Variants in MYOF observed in about 807,000 individuals in gnomAD.
MYOF encodes the protein myoferlin, also known as fer-1-like 3, myoferlin.
In MYOF, 244 loss-of-function variants were observed where a neutral mutation model predicts 284.2. That is an observed-to-expected ratio of 0.86 (90% confidence interval 0.77 to 0.95). The LOEUF is 0.95. Ranked by LOEUF, MYOF falls within the 40% of genes least tolerant of loss-of-function variation. The pLI is 0.00. For missense variants in MYOF, 2,496 were observed against 2,560.6 expected (o/e 0.97, Z 0.54); for synonymous variants, 904 against 919.7 (o/e 0.98, Z 0.31).
rs114488541 is a variant in MYOF at position 93,466,222 on chromosome 10, T to C, written c.89-9285A>G. Among the ~76,000 whole-genome samples the C allele has an allele frequency of 6.3e-3, 966 of 152,312 alleles. 10 individuals are homozygous for C. The highest frequency in any genetic ancestry group is 0.022 in the African/African-American group (931 of 41,562). On this transcript the variant is annotated intron_variant, in intron 1 of 53. Coordinates refer to ENST00000359263, the MANE Select transcript of MYOF (RefSeq NM_013451.4). The stretch of plus-strand genomic sequence containing the variant: ...GTCTCTGACTTTGGCTTTCCAACCT[T>C]GGCTGCCCTATCGTTCCAGGAAGAT...
chr10:93,471,882 A>G (rs2057154272), intron 1 of MYOF, among the ~76,000 whole-genome samples: 2 of 112,198 alleles, frequency 1.8e-5, no homozygotes, highest in African/African-American at 6.0e-5. Flanking sequence ...AGAGTGAAAC[A>G]CTGTCTCAAA....
At chr10:93,368,665 T>C (rs1223449317) in intron 25 of MYOF, among the ~76,000 whole-genome samples, 3 of 152,222 alleles carry the variant, frequency 2.0e-5, no homozygotes, top group Non-Finnish European at 4.4e-5. Flanking sequence ...TATTGGGACC[T>C]GTTATGTGCC....
At position 93,372,974 on chromosome 10, in the gene MYOF, C is replaced by T; in HGVS notation, c.2413G>A (p.Ala805Thr). 4 of 1,614,224 alleles carry T rather than the reference C, an allele frequency of 2.5e-6. No homozygotes were observed. The highest frequency in any genetic ancestry group is 3.4e-6 in the Non-Finnish European group (4 of 1,180,022). ...GTTTTCCCACAGTATTTTCCAGATG[C>T]ATTCTCACCACTGGTGGAGTACAAG... Reference protein sequence around the residue: ...QVLYSTSGENASGKYCGKTQT... With the variant: ...QVLYSTSGENTSGKYCGKTQT... The change falls in exon 24 of 54, where the codon GCA becomes ACA. Residue 805 changes from alanine to threonine, a missense_variant. By Grantham distance (58) the Ala-to-Thr change is moderately conservative (BLOSUM62 0). This residue lies in a region of MYOF where 2,436 missense variants were observed against 2,480.7 expected (regional missense o/e 0.98). Coordinates refer to ENST00000359263, the MANE Select transcript of MYOF (RefSeq NM_013451.4).
Position 93,351,549 on chromosome 10 carries a change from C to T in MYOF, c.3686G>A (p.Arg1229Gln), listed in dbSNP as rs780085110. The T allele has an allele frequency of 8.7e-6, 14 of 1,614,024 alleles. No homozygotes were observed. Among genetic ancestry groups the T allele is most frequent in the East Asian group, 4.5e-5 (2 of 44,892 alleles). The change falls in exon 34 of 54, where the codon CGA (arginine) becomes CAA (glutamine). Residue 1229 changes from arginine to glutamine, a missense_variant. Physicochemically the swap from Arg to Gln is conservative, Grantham distance 43. This residue lies in a region of MYOF where 2,436 missense variants were observed against 2,480.7 expected (regional missense o/e 0.98). Coordinates refer to ENST00000359263, the MANE Select transcript of MYOF (RefSeq NM_013451.4). Reference protein sequence around the residue: ...DQVGKDEFLGRSIFSPVVKLN... With the variant: ...DQVGKDEFLGQSIFSPVVKLN... ...TTTCACCACAGGAGAGAAAATGCTT[C>T]GTCCTAAAAATTCATCTTTGCCCTA...
chr10:93,320,015 T>C lies in MYOF; in HGVS notation c.5457-2A>G. On this transcript the variant is annotated splice_acceptor_variant, in intron 48 of 53. Transcript: ENST00000359263. LOFTEE classifies it high-confidence loss of function. ...TTTTCTTCATTGCCAGGAATCCAGC[T>C]GAAAGGCAGAGGCAAACAGACTTAG... 1 of 1,614,126 alleles carries C rather than the reference T, an allele frequency of 6.2e-7. No homozygotes were observed. The highest frequency in any genetic ancestry group is 8.5e-7 in the Non-Finnish European group (1 of 1,179,970).
intron 3 of MYOF, among the ~76,000 whole-genome samples, chr10:93,434,442 A>AC (rs1481879368): frequency 1.3e-5 from 2 of 151,530 alleles, no homozygotes; most frequent in East Asian, 2.0e-4. Flanking sequence ...AAAAAAAAAA[A>AC]AAAAACAAAA....
At chr10:93,324,801 A>G (rs1020235639) in intron 46 of MYOF, among the ~76,000 whole-genome samples, 1 of 151,628 alleles carries the variant, frequency 6.6e-6, no homozygotes, top group African/African-American at 2.4e-5. Context: ...TTTTTGTGAG[A>G]CAGAGTCTGG....
At chr10:93,437,244 A>G (rs918204660) in intron 3 of MYOF, among the ~76,000 whole-genome samples, 1 of 151,638 alleles carries the variant, frequency 6.6e-6, no homozygotes, top group African/African-American at 2.4e-5. Context: ...GTATTGGTTA[A>G]GAGCCGCTTA....
At chr10:93,406,947 T>C (rs983729881) in intron 7 of MYOF, among the ~76,000 whole-genome samples, 3 of 151,968 alleles carry the variant, frequency 2.0e-5, no homozygotes, top group African/African-American at 7.3e-5. Context: ...GCAGGAGACA[T>C]AGGCCTGAGG....
intron 16 of MYOF, among the ~76,000 whole-genome samples, chr10:93,395,832 G>A (rs764665930): frequency 1.3e-5 from 2 of 151,466 alleles, no homozygotes; most frequent in African/African-American, 2.4e-5. Context: ...TCATAAAACC[G>A]CTATTGGGAA....
At chr10:93,345,365 G>A (rs192674997) in intron 37 of MYOF, among the ~76,000 whole-genome samples, 1 of 152,306 alleles carries the variant, frequency 6.6e-6, no homozygotes, top group East Asian at 1.9e-4. Flanking sequence ...GTAAGTTGGG[G>A]AGTAAGTAAC....
intron 19 of MYOF, among the ~76,000 whole-genome samples, chr10:93,385,027 C>A (rs1340665132): frequency 6.6e-6 from 1 of 152,084 alleles, no homozygotes; most frequent in Admixed American, 6.5e-5. Flanking sequence ...TTAATGTGGG[C>A]CAGACCAATG....
intron 5 of MYOF, among the ~76,000 whole-genome samples, chr10:93,419,416 GCCT>G (rs2134164975): frequency 6.6e-6 from 1 of 151,822 alleles, no homozygotes; most frequent in East Asian, 2.0e-4. Flanking sequence ...ACCCACCTTG[GCCT>G]CCTGAAGTGC....
At chr10:93,347,334 T>C (rs374894618) in intron 37 of MYOF, among the ~76,000 whole-genome samples, 15 of 149,780 alleles carry the variant, frequency 1.0e-4, no homozygotes, top group African/African-American at 3.4e-4. Context: ...GGGTGGATCA[T>C]GAGGTCAGGA....
At chr10:93,468,112 G>A (rs1214900476) in intron 1 of MYOF, among the ~76,000 whole-genome samples, 1 of 152,202 alleles carries the variant, frequency 6.6e-6, no homozygotes, top group East Asian at 1.9e-4. Context: ...CAAGGCACAA[G>A]AAAGTTAAGT....
intron 45 of MYOF, among the ~76,000 whole-genome samples, chr10:93,327,099 C>T (rs940558388): frequency 6.6e-6 from 1 of 152,012 alleles, no homozygotes; most frequent in Admixed American, 6.5e-5. Flanking sequence ...ACAGCTCCTG[C>T]CTGGTTTTCT....
chr10:93,357,025 T>C (rs553084838), intron 29 of MYOF, among the ~76,000 whole-genome samples, 177 bp from the exon 30 acceptor site: 14 of 152,320 alleles, frequency 9.2e-5, no homozygotes, highest in African/African-American at 3.4e-4. Context: ...ACCTCTGCCT[T>C]GCAGAGCTGA....
rs763324256 is a variant in MYOF, at chr10:93,316,813, C to A, written c.5599G>T (p.Glu1867Ter). 9.3e-6 allele frequency: 15 copies of A among 1,610,782 alleles called. No homozygotes were observed. In the South Asian group the frequency reaches 1.2e-4, roughly 13 times the overall value. The change falls in exon 50 of 54, where the codon GAG (glutamate) becomes TAG (stop). Residue 1867 changes from glutamate to a stop codon, truncating the protein, a stop_gained and splice_region_variant. Coordinates refer to ENST00000359263, the MANE Select transcript of MYOF (RefSeq NM_013451.4). LOFTEE classifies it high-confidence loss of function. The stretch of plus-strand genomic sequence containing the variant: ...GTTTGGTCAATACTCCAGAAATGCT[C>A]CTAAAACAAAAAGAAACATGATCAT... ...AEQLCIVAKK[E>*]HFWSIDQTEF...
At chr10:93,470,613 G>A (rs1010993616) in intron 1 of MYOF, among the ~76,000 whole-genome samples, 5 of 152,090 alleles carry the variant, frequency 3.3e-5, no homozygotes, top group Middle Eastern at 3.2e-3. Flanking sequence ...TGTTGGCCAG[G>A]CTGGTCTCGA....
Sources: allele counts gnomAD v4.1 joint callset (sites outside exome capture counted in the v4.1 genomes callset), GRCh38; gene constraint gnomAD v4.1.1; regional missense constraint gnomAD v4.1.1; transcripts MANE v1.5; gene names NCBI Gene and HGNC (gene_info 2026-07-23, HGNC 2026-07-21).